The following NKAIN3 variants were observed in gnomAD, a reference collection of about 807,000 sequenced individuals.
NKAIN3 encodes sodium/potassium transporting ATPase interacting 3.
NKAIN3 carries 25 observed loss-of-function variants against 30.2 expected under a neutral mutation model. The ratio of observed to expected loss-of-function variants is 0.83; its 90% CI spans 0.60 to 1.16. The LOEUF is 1.16. Among genes scored for constraint, NKAIN3 ranks in the 50% most tolerant of loss-of-function variants. The pLI is 0.00. For synonymous variants in NKAIN3, 91 were observed against 89.6 expected, an observed-to-expected ratio of 1.02 and a Z score of -0.09; for missense variants, 225 against 254.1, an observed-to-expected ratio of 0.89 and a Z score of 0.78.
At chr8:62,944,328 T>C (rs1220385166) in intron 5 of NKAIN3, among the ~76,000 whole-genome samples, 1 of 152,160 alleles carries the variant, frequency 6.6e-6, no homozygotes, top group Non-Finnish European at 1.5e-5. Context: ...TCTTGATATC[T>C]GGTAGTATAA....
chr8:62,315,793 G>T (rs1814602059), intron 1 of NKAIN3, among the ~76,000 whole-genome samples: 1 of 152,196 alleles, frequency 6.6e-6, no homozygotes, highest in African/African-American at 2.4e-5. Context: ...TGGTGTTTGT[G>T]GAGGGAGAGT....
At chr8:62,573,955 A>G (rs1267184644) in intron 1 of NKAIN3, among the ~76,000 whole-genome samples, 2 of 152,162 alleles carry the variant, frequency 1.3e-5, no homozygotes, top group East Asian at 3.8e-4. Context: ...CTGTTGTATT[A>G]TCAAATACTA....
intron 1 of NKAIN3, among the ~76,000 whole-genome samples, chr8:62,546,417 T>A (rs1809019065): frequency 6.6e-6 from 1 of 152,120 alleles, no homozygotes; most frequent in African/African-American, 2.4e-5. Context: ...GAGCACATAA[T>A]GAGATGCTGA....
chr8:62,368,249 A>G (rs1795929993), intron 1 of NKAIN3, among the ~76,000 whole-genome samples: 1 of 152,192 alleles, frequency 6.6e-6, no homozygotes, highest in Admixed American at 6.5e-5. Flanking sequence ...ACCACAAAAT[A>G]CCCAAAGACA....
intron 1 of NKAIN3, among the ~76,000 whole-genome samples, chr8:62,323,363 T>A (rs992002690): frequency 7.9e-5 from 12 of 152,230 alleles, no homozygotes; most frequent in Non-Finnish European, 1.3e-4. Flanking sequence ...ACGCCATAGT[T>A]AACTATGTGT....
At chr8:62,749,902 G>T (rs375523590) in intron 4 of NKAIN3, among the ~76,000 whole-genome samples, 7 of 151,682 alleles carry the variant, frequency 4.6e-5, no homozygotes, top group African/African-American at 1.7e-4. Flanking sequence ...GGCTGTTCTT[G>T]AACTCCTGAC....
At chr8:62,925,229 C>G (rs569653377) in intron 5 of NKAIN3, among the ~76,000 whole-genome samples, 38 of 152,276 alleles carry the variant, frequency 2.5e-4, no homozygotes, top group Non-Finnish European at 1.2e-4. Context: ...ATCTCAGAAC[C>G]TGCTTCAGTG....
chr8:62,414,674 A>G (rs962656666), intron 1 of NKAIN3, among the ~76,000 whole-genome samples: 2 of 152,184 alleles, frequency 1.3e-5, no homozygotes, highest in Non-Finnish European at 2.9e-5. Flanking sequence ...TAAAAAGAAC[A>G]GTATCTCGTG....
chr8:62,989,524 A>T (rs1324921455), downstream of NKAIN3, among the ~76,000 whole-genome samples: 1 of 152,050 alleles, frequency 6.6e-6, no homozygotes, highest in Admixed American at 6.6e-5. Context: ...AGATCAGCAC[A>T]TGAAAGACCC....
At chr8:62,766,334 A>T (rs748382305) in intron 4 of NKAIN3, among the ~76,000 whole-genome samples, 14 of 152,228 alleles carry the variant, frequency 9.2e-5, no homozygotes, top group Non-Finnish European at 1.6e-4. Flanking sequence ...AGAAAATGCT[A>T]TTCGGCTTGC....
intron 1 of NKAIN3, among the ~76,000 whole-genome samples, chr8:62,333,684 G>C (rs935112797): frequency 1.3e-5 from 2 of 152,060 alleles, no homozygotes; most frequent in African/African-American, 4.8e-5. Flanking sequence ...TGTTTCTAGA[G>C]TGACAGGCAT....
At chr8:62,382,173 T>G (rs1585744429) in intron 1 of NKAIN3, among the ~76,000 whole-genome samples, 1 of 152,202 alleles carries the variant, frequency 6.6e-6, no homozygotes, top group Non-Finnish European at 1.5e-5. Flanking sequence ...AAACAGTCAA[T>G]TAACAAATTT....
intron 1 of NKAIN3, among the ~76,000 whole-genome samples, chr8:62,260,340 A>T (rs897802967): frequency 2.0e-5 from 3 of 152,192 alleles, no homozygotes; most frequent in Non-Finnish European, 4.4e-5. Flanking sequence ...CTAGCTGTAA[A>T]TGATCATAAT....
chr8:62,442,611 TTTA>T (rs1805360552), intron 1 of NKAIN3, among the ~76,000 whole-genome samples: 1 of 151,856 alleles, frequency 6.6e-6, no homozygotes, highest in South Asian at 2.1e-4. Flanking sequence ...CTTTAATTTT[TTTA>T]TTTTCTTTTT....
intron 2 of NKAIN3, among the ~76,000 whole-genome samples, chr8:62,586,342 C>T (rs976673404): frequency 6.6e-6 from 1 of 152,134 alleles, no homozygotes; most frequent in African/African-American, 2.4e-5. Flanking sequence ...TGTTTGCTTT[C>T]CTTTTGCCAT....
chr8:62,322,935 T>G (rs1400150130), intron 1 of NKAIN3, among the ~76,000 whole-genome samples: 2 of 152,206 alleles, frequency 1.3e-5, no homozygotes, highest in Non-Finnish European at 2.9e-5. Flanking sequence ...TCATATGTCA[T>G]CCACATCATA....
chr8:62,689,044 C>T lies in NKAIN3; in HGVS notation c.274-57888C>T, dbSNP rs182638493. On this transcript the variant is annotated intron_variant, in intron 3 of 6. Coordinates refer to ENST00000623646, the MANE Select transcript of NKAIN3 (RefSeq NM_001304533.3). ...TTACTTTTATAGTTTGCCCATTCTA[C>T]GTGCTAATTTTTATTTGCTATTATA... is the stretch of plus-strand genomic sequence containing the variant. 2.1e-3 allele frequency among the ~76,000 whole-genome samples: 318 copies of T among 152,186 alleles called. 2 individuals are homozygous for T. The highest frequency in any genetic ancestry group is 6.8e-3 in the African/African-American group (282 of 41,544).
At chr8:62,448,922 G>T (rs1480754365) in intron 1 of NKAIN3, among the ~76,000 whole-genome samples, 2 of 151,834 alleles carry the variant, frequency 1.3e-5, no homozygotes, top group African/African-American at 4.8e-5. Flanking sequence ...TTAATTTGAG[G>T]TTATATTGTC....
intron 1 of NKAIN3, among the ~76,000 whole-genome samples, chr8:62,317,751 G>A (rs1814693301): frequency 6.6e-6 from 1 of 152,170 alleles, no homozygotes; most frequent in Non-Finnish European, 1.5e-5. Context: ...GATTGACTTG[G>A]CAATGTGGAC....
Sources: gnomAD v4.1 joint callset for allele counts (sites outside exome capture counted in the v4.1 genomes callset) on GRCh38, gnomAD v4.1.1 for gene constraint, MANE v1.5 for transcripts, NCBI Gene and HGNC (gene_info 2026-07-23, HGNC 2026-07-21) for gene names.